Variants in TMED8 observed in about 807,000 individuals in gnomAD.
TMED8 encodes the protein protein TMED8.
A neutral mutation model predicts 32.7 loss-of-function variants in TMED8; 15 were observed. That is an observed-to-expected ratio of 0.46 (90% CI 0.31 to 0.71). TMED8 has a LOEUF of 0.71. Ranked by LOEUF, TMED8 falls within the 30% of genes least tolerant of loss-of-function variation. TMED8 has a pLI of 0.06. For synonymous variants in TMED8, 147 were observed against 161.4 expected (o/e 0.91, Z 0.68); for missense variants, 390 against 423.9 (o/e 0.92, Z 0.70).
chr14:77,370,121 G>A (rs1352752690), intron 1 of TMED8, among the ~76,000 whole-genome samples: 4 of 148,680 alleles, frequency 2.7e-5, no homozygotes, highest in South Asian at 2.1e-4. Context: ...GCAGTGAGCC[G>A]AGATCACACC....
rs1892733679 is a variant in TMED8, at chr14:77,335,207, TA to T, written c.*6563del. On this transcript the variant is annotated 3_prime_UTR_variant, in exon 6 of 6. Coordinates refer to ENST00000216468, the MANE Select transcript of TMED8 (RefSeq NM_213601.3). ...TAACACACCCAGTGCCACAGGGTGA[TA>T]AAAATGGTATTTTAAAAGAAAAACC... is the stretch of plus-strand genomic sequence containing the variant. The T allele has an allele frequency of 1.3e-5, 2 of 152,118 alleles. No homozygotes were observed. The highest frequency in any genetic ancestry group is 1.3e-4 in the Admixed American group (2 of 15,274). The allele number at this position is 152,118 out of a possible 1,614,324, so 9.4% of individuals were successfully genotyped here.
chr14:77,346,452 T>G lies in TMED8; in HGVS notation c.224A>C (p.Lys75Thr). 1 of 1,614,152 alleles carries G rather than the reference T, an allele frequency of 6.2e-7. No homozygotes were observed. The highest frequency in any genetic ancestry group is 8.5e-7 in the Non-Finnish European group (1 of 1,180,020). Residue 75 changes from lysine (K) to threonine (T), a missense_variant, in exon 3 of 6, where the codon AAG (lysine) becomes ACG (threonine). Lys to Thr is a moderately conservative substitution (Grantham distance 78, BLOSUM62 -1). Transcript: ENST00000216468. Reference protein sequence around the residue: ...HRPQMVSPVSKDATEDLRKAT... With the variant: ...HRPQMVSPVSTDATEDLRKAT... Reference sequence around the variant, plus strand: ...TTTCCGCAGATCTTCCGTGGCATCCTTACTCACTGGAGATACCATCTGTGG... The same window carrying G: ...TTTCCGCAGATCTTCCGTGGCATCCGTACTCACTGGAGATACCATCTGTGG...
intron 1 of TMED8, among the ~76,000 whole-genome samples, chr14:77,363,944 A>G (rs1181098591): frequency 2.6e-5 from 4 of 152,178 alleles, no homozygotes; most frequent in Admixed American, 6.5e-5. Context: ...TGCCTTGTGC[A>G]TATTTCATAT....
intron 1 of TMED8, among the ~76,000 whole-genome samples, chr14:77,353,082 A>T (rs975752029): frequency 2.7e-4 from 41 of 152,224 alleles, no homozygotes; most frequent in Admixed American, 1.4e-3. Context: ...TTTTTGCAGT[A>T]AGGAACTTAA....
At chr14:77,361,145 A>C (rs1441759574) in intron 1 of TMED8, among the ~76,000 whole-genome samples, 2 of 151,836 alleles carry the variant, frequency 1.3e-5, no homozygotes, top group Non-Finnish European at 2.9e-5. Flanking sequence ...ATGCCCAGCT[A>C]ATTTTTTTGT....
In TMED8 at chr14:77,343,491, G is replaced by A; in HGVS notation, c.455-8C>T. 6.2e-7 allele frequency: 1 copy of A among 1,612,840 alleles called. No homozygotes were observed. Among genetic ancestry groups the A allele is most frequent in the Non-Finnish European group, 8.5e-7 (1 of 1,179,498 alleles). The stretch of plus-strand genomic sequence containing the variant: ...CCATCAGAGGTGGGGAGACTGAAAG[G>A]ACAAGCAGCTTAGCACTGAGAAACC... On this transcript the variant is annotated splice_region_variant and splice_polypyrimidine_tract_variant and intron_variant, in intron 4 of 5. Transcript: ENST00000216468.
intron 3 of TMED8, among the ~76,000 whole-genome samples, 180 bp downstream of exon 3, chr14:77,346,169 T>G (rs1435453832): frequency 2.0e-5 from 3 of 152,122 alleles, no homozygotes; most frequent in African/African-American, 7.2e-5. Flanking sequence ...TGATGGGCCC[T>G]GTGGAAGATA....
chr14:77,373,620 G>C (rs1893748020), intron 1 of TMED8, among the ~76,000 whole-genome samples: 1 of 152,100 alleles, frequency 6.6e-6, no homozygotes, highest in Admixed American at 6.5e-5. Flanking sequence ...TGGTTATTCT[G>C]GATAATGACA....
At chr14:77,372,936 ATATATATATATATATATTTTTTTTTTTTT>A (rs1168512365) in intron 1 of TMED8, among the ~76,000 whole-genome samples, 936 of 30,654 alleles carry the variant, frequency 0.031, 24 homozygotes, top group Non-Finnish European at 0.036. Context: ...ATATATATAT[ATATATATATATATATATTTTTTTTTTTTT>A]TTTTTTTTTT....
rs1893036908 is a variant in TMED8, at chr14:77,346,435, G to T, written c.241C>A (p.Leu81Met). The stretch of plus-strand genomic sequence containing the variant: ...TCCAAAGGACCAGTTGCTTTCCGCA[G>T]ATCTTCCGTGGCATCCTTACTCACT... ...SPVSKDATED[L>M]RKATGPLEAQ... The change falls in exon 3 of 6, where the codon CTG (leucine) becomes ATG (methionine). Residue 81 changes from leucine (L) to methionine (M), a missense_variant. Coordinates refer to ENST00000216468, the MANE Select transcript of TMED8 (RefSeq NM_213601.3). 1 of 1,614,202 alleles carries T rather than the reference G, an allele frequency of 6.2e-7. No individual in the cohort carries two copies. The highest frequency in any genetic ancestry group is 8.5e-7 in the Non-Finnish European group (1 of 1,180,036).
intron 2 of TMED8, among the ~76,000 whole-genome samples, chr14:77,346,788 ATTG>A (rs1351476504): frequency 1.8e-5 from 1 of 55,370 alleles, no homozygotes; most frequent in African/African-American, 6.7e-5. Flanking sequence ...TTTTTTTGTC[ATTG>A]TTGTTTCTTT....
At chr14:77,353,497 C>CA (rs1893226990) in intron 1 of TMED8, among the ~76,000 whole-genome samples, 2 of 146,954 alleles carry the variant, frequency 1.4e-5, no homozygotes. Flanking sequence ...GGCTGGAGTG[C>CA]AGTGACACAA....
chr14:77,335,622 CT>C lies in TMED8; in HGVS notation c.*6148del, dbSNP rs1451638590. On this transcript the variant is annotated 3_prime_UTR_variant, in exon 6 of 6. Coordinates refer to ENST00000216468, the MANE Select transcript of TMED8 (RefSeq NM_213601.3). Reference sequence around the variant, plus strand: ...GTTTGGAAAATCTTCAAGCACCTCCCTTTATTCCAATTATCCTTTTCCAAAG... The same window carrying C: ...GTTTGGAAAATCTTCAAGCACCTCCCTTATTCCAATTATCCTTTTCCAAAG... 5 of 152,186 alleles carry C rather than the reference CT, an allele frequency of 3.3e-5. No homozygotes were observed. Among genetic ancestry groups the C allele is most frequent in the African/African-American group, 4.8e-5 (2 of 41,444 alleles). 9.4% of individuals were successfully genotyped at this position (152,186 alleles called of 1,614,324 possible).
intron 1 of TMED8, among the ~76,000 whole-genome samples, chr14:77,355,398 G>C (rs910064107): frequency 6.6e-6 from 1 of 152,032 alleles, no homozygotes; most frequent in Non-Finnish European, 1.5e-5. Flanking sequence ...TTTTCACCAT[G>C]TTGTCCAAGC....
At chr14:77,347,683 G>T (rs1381483932) in intron 2 of TMED8, among the ~76,000 whole-genome samples, 44 of 152,200 alleles carry the variant, frequency 2.9e-4, no homozygotes, top group Admixed American at 2.6e-3. Context: ...AGGATTACAG[G>T]CGTGAGCCAC....
intron 5 of TMED8, 123 bp downstream of exon 5, chr14:77,343,055 G>T: frequency 1.0e-6 from 1 of 960,838 alleles, no homozygotes; most frequent in Non-Finnish European, 1.5e-6. Context: ...ACTCAGCTTA[G>T]CTTGTAATGC....
intron 1 of TMED8, among the ~76,000 whole-genome samples, chr14:77,365,929 A>G (rs894837019): frequency 2.6e-5 from 4 of 152,196 alleles, no homozygotes; most frequent in African/African-American, 7.2e-5. Flanking sequence ...GAGAGAGAGA[A>G]AGGACCTAAC....
At chr14:77,353,567 C>T (rs1008744818) in intron 1 of TMED8, among the ~76,000 whole-genome samples, 1 of 151,434 alleles carries the variant, frequency 6.6e-6, no homozygotes, top group African/African-American at 2.4e-5. Context: ...CCTCTCACCT[C>T]AGCCTCCTGA....
At chr14:77,345,203 TCTCGAACCCCTGAC>T (rs1215682242) in intron 3 of TMED8, among the ~76,000 whole-genome samples, 1 of 152,198 alleles carries the variant, frequency 6.6e-6, no homozygotes, top group Non-Finnish European at 1.5e-5. Context: ...GTCAGGCTGG[TCTCGAACCCCTGAC>T]CTCAAGTGAT....
Sources: gnomAD v4.1 joint callset for allele counts (sites outside exome capture counted in the v4.1 genomes callset) on GRCh38, gnomAD v4.1.1 for gene constraint, MANE v1.5 for transcripts, NCBI Gene and HGNC (gene_info 2026-07-23, HGNC 2026-07-21) for gene names.